KCNH8: variants seen among roughly 807,000 people sequenced by gnomAD.
KCNH8 encodes the protein potassium voltage-gated channel subfamily H member 8.
In KCNH8, 70 loss-of-function variants were observed where a neutral mutation model predicts 103.6. The ratio of observed to expected loss-of-function variants is 0.68; its 90% CI spans 0.56 to 0.82. The LOEUF is 0.82. Ranked by LOEUF, KCNH8 falls within the 40% of genes least tolerant of loss-of-function variation. The pLI is 0.00. For synonymous variants in KCNH8, 498 were observed against 489.4 expected (o/e 1.02, Z -0.23); for missense variants, 1,217 against 1,329.9 (o/e 0.92, Z 1.32).
intron 5 of KCNH8, among the ~76,000 whole-genome samples, chr3:19,380,139 C>T (rs569329136): frequency 2.0e-5 from 3 of 152,244 alleles, no homozygotes; most frequent in Admixed American, 2.0e-4. Flanking sequence ...CTGAGAAACT[C>T]TAGATACTAT....
chr3:19,200,793 G>C (rs373414483), intron 1 of KCNH8, among the ~76,000 whole-genome samples: 9 of 151,944 alleles, frequency 5.9e-5, no homozygotes, highest in Non-Finnish European at 8.8e-5. Context: ...TACTTTTATA[G>C]TGAGAGTTCA....
chr3:19,401,039 G>A (rs2066606124), intron 7 of KCNH8, among the ~76,000 whole-genome samples: 1 of 151,934 alleles, frequency 6.6e-6, no homozygotes, highest in South Asian at 2.1e-4. Flanking sequence ...CATTAAAGTG[G>A]ACACTAGTGA....
At chr3:19,496,660 G>A (rs577534656) in intron 11 of KCNH8, among the ~76,000 whole-genome samples, 56 of 152,026 alleles carry the variant, frequency 3.7e-4, no homozygotes, top group African/African-American at 1.3e-3. Flanking sequence ...TTCTTTTTTT[G>A]TTGTGTCTCT....
intron 1 of KCNH8, among the ~76,000 whole-genome samples, chr3:19,172,051 T>C (rs2063353860): frequency 6.6e-6 from 1 of 152,282 alleles, no homozygotes; most frequent in South Asian, 2.1e-4. Flanking sequence ...TGTCTGTCAG[T>C]GGATTTTCTC....
intron 5 of KCNH8, among the ~76,000 whole-genome samples, chr3:19,377,650 G>T (rs926172217): frequency 7.2e-5 from 11 of 152,168 alleles, no homozygotes; most frequent in African/African-American, 2.4e-4. Flanking sequence ...AGCTGCAAGA[G>T]TGGTATATAT....
At chr3:19,395,750 C>T (rs796380469) in intron 7 of KCNH8, among the ~76,000 whole-genome samples, 19 of 152,090 alleles carry the variant, frequency 1.2e-4, no homozygotes, top group Admixed American at 5.9e-4. Flanking sequence ...CCATCCTTCC[C>T]TTTACAAGGA....
chr3:19,281,336 A>G lies in KCNH8; in HGVS notation c.442+7A>G, dbSNP rs538366621. ...CCAGAAGATAAAAAAGAAGGTTTGTACCGTTTTCAGAAAACATTGACAGAT... is the reference window on the plus strand; with the variant it reads ...CCAGAAGATAAAAAAGAAGGTTTGTGCCGTTTTCAGAAAACATTGACAGAT... On this transcript the variant is annotated splice_region_variant and intron_variant, in intron 3 of 15. Transcript: ENST00000328405. 1 of 1,583,756 alleles carries G rather than the reference A, an allele frequency of 6.3e-7. No individual in the cohort carries two copies. The highest frequency in any genetic ancestry group is 8.5e-7 in the Non-Finnish European group (1 of 1,170,170).
intron 3 of KCNH8, among the ~76,000 whole-genome samples, chr3:19,284,651 T>C (rs1332477721): frequency 1.3e-5 from 2 of 151,936 alleles, no homozygotes; most frequent in African/African-American, 4.8e-5. Flanking sequence ...CATAGTTTAC[T>C]TCTATTCCAA....
intron 7 of KCNH8, among the ~76,000 whole-genome samples, chr3:19,429,160 CT>C (rs1227520233): frequency 3.2e-5 from 4 of 126,282 alleles, no homozygotes; most frequent in Middle Eastern, 4.6e-3. Context: ...TCAGAATCCA[CT>C]CTTTTTTTTT....
intron 3 of KCNH8, among the ~76,000 whole-genome samples, chr3:19,288,651 T>C (rs1472447342): frequency 6.6e-6 from 1 of 152,216 alleles, no homozygotes; most frequent in Non-Finnish European, 1.5e-5. Context: ...TTGGGTTGTT[T>C]CCAAGTCTTT....
chr3:19,347,369 A>T (rs2065742413), intron 4 of KCNH8, among the ~76,000 whole-genome samples: 1 of 152,114 alleles, frequency 6.6e-6, no homozygotes, highest in African/African-American at 2.4e-5. Context: ...TGTTCTCATG[A>T]CAATAGGAAT....
At chr3:19,279,583 AAT>A (rs1365904365) in intron 2 of KCNH8, among the ~76,000 whole-genome samples, 4 of 151,248 alleles carry the variant, frequency 2.6e-5, no homozygotes, top group South Asian at 2.1e-4. Flanking sequence ...AAAAAAAAAA[AAT>A]AAGGAGGAAA....
chr3:19,404,340 A>T (rs181488933), intron 7 of KCNH8, among the ~76,000 whole-genome samples: 135 of 151,986 alleles, frequency 8.9e-4, no homozygotes, highest in African/African-American at 3.0e-3. Context: ...TTCAAGGAAT[A>T]CTCTTGGCTC....
intron 1 of KCNH8, among the ~76,000 whole-genome samples, chr3:19,210,569 AT>A (rs1162672820): frequency 2.8e-5 from 4 of 140,586 alleles, no homozygotes; most frequent in African/African-American, 1.3e-4. Flanking sequence ...TTAAAAAAAT[AT>A]ATATTGCTTT....
intron 1 of KCNH8, among the ~76,000 whole-genome samples, chr3:19,152,416 A>G (rs760947032): frequency 6.6e-6 from 1 of 152,192 alleles, no homozygotes; most frequent in Non-Finnish European, 1.5e-5. Context: ...ATAATGGTGG[A>G]TTAGCCTACA....
At chr3:19,172,425 A>G (rs569947674) in intron 1 of KCNH8, among the ~76,000 whole-genome samples, 3 of 152,308 alleles carry the variant, frequency 2.0e-5, no homozygotes, top group South Asian at 2.1e-4. Context: ...TTTTAAACTG[A>G]TAAGTGTGAA....
chr3:19,297,514 G>A (rs1367167383), intron 3 of KCNH8, among the ~76,000 whole-genome samples: 1 of 152,174 alleles, frequency 6.6e-6, no homozygotes, highest in African/African-American at 2.4e-5. Context: ...TTTATTGAAA[G>A]AGGGATTGAT....
chr3:19,530,309 C>A (rs2125253765), intron 15 of KCNH8, among the ~76,000 whole-genome samples: 1 of 152,136 alleles, frequency 6.6e-6, no homozygotes, highest in East Asian at 1.9e-4. Context: ...CTGAAATATT[C>A]CCAACACAAG....
intron 7 of KCNH8, among the ~76,000 whole-genome samples, chr3:19,432,915 CTCT>C (rs1342319669): frequency 1.3e-5 from 2 of 152,118 alleles, no homozygotes; most frequent in South Asian, 2.1e-4. Context: ...CCTGTTCTTT[CTCT>C]TCTTAGAATC....
Sources: allele counts gnomAD v4.1 joint callset (sites outside exome capture counted in the v4.1 genomes callset), GRCh38; gene constraint gnomAD v4.1.1; transcripts MANE v1.5; gene names NCBI Gene and HGNC (gene_info 2026-07-23, HGNC 2026-07-21).